Variants in CDH23 observed in about 807,000 individuals in gnomAD.
CDH23 encodes the protein cadherin related 23, also known as cadherin-23.
In CDH23, 189 loss-of-function variants were observed where a neutral mutation model predicts 317.1. The observed-to-expected ratio is 0.60, with a 90% confidence interval of 0.53 to 0.67. The LOEUF (loss-of-function observed/expected upper bound fraction) is 0.67. Ranked by LOEUF, CDH23 falls within the 30% of genes least tolerant of loss-of-function variation. The pLI is 0.00. For missense variants in CDH23, 4,401 were observed against 4,592.4 expected (o/e 0.96, Z 1.20); for synonymous variants, 1,839 against 1,876.8 (o/e 0.98, Z 0.52).
chr10:71,725,528 TA>T lies in CDH23; in HGVS notation c.3579+9del, dbSNP rs1589376497. The T allele has an allele frequency of 6.2e-7, 1 of 1,611,200 alleles. No homozygotes were observed. The highest frequency in any genetic ancestry group is 8.5e-7 in the Non-Finnish European group (1 of 1,178,542). On this transcript the variant is annotated intron_variant, in intron 30 of 69. Coordinates refer to ENST00000224721, the MANE Select transcript of CDH23 (RefSeq NM_022124.6). ...ATGCGGAGCTCCGTCAGGGTGAGGC[TA>T]GGGGCGGGCTGGGGTGCTGACCTCA...
chr10:71,500,889 A>G (rs1853292482), intron 3 of CDH23, among the ~76,000 whole-genome samples: 1 of 138,496 alleles, frequency 7.2e-6, no homozygotes, highest in Non-Finnish European at 1.5e-5. Flanking sequence ...TTTTGTTTTG[A>G]GACAGAGTCT....
chr10:71,689,170 G>A (rs1308406644), intron 19 of CDH23, among the ~76,000 whole-genome samples: 10 of 60,068 alleles, frequency 1.7e-4, no homozygotes, highest in Non-Finnish European at 3.0e-4. Flanking sequence ...GGTGGAGTCA[G>A]GGGTGGTAGA....
At chr10:71,601,425 C>T (rs185883414) in intron 9 of CDH23, among the ~76,000 whole-genome samples, 1 of 152,320 alleles carries the variant, frequency 6.6e-6, no homozygotes, top group African/African-American at 2.4e-5. Context: ...AATTACTCCT[C>T]CCCTTTTTAT....
chr10:71,683,673 A>G (rs1864750642), intron 18 of CDH23, among the ~76,000 whole-genome samples: 1 of 152,234 alleles, frequency 6.6e-6, no homozygotes, highest in Non-Finnish European at 1.5e-5. Flanking sequence ...GAGGCTATAC[A>G]GAACCAGGAT....
intron 6 of CDH23, among the ~76,000 whole-genome samples, chr10:71,545,342 A>C (rs955889930): frequency 6.6e-6 from 1 of 151,984 alleles, no homozygotes; most frequent in African/African-American, 2.4e-5. Flanking sequence ...GTTCTCATCC[A>C]CCGTGCGTTT....
chr10:71,706,862 C>A, intron 25 of CDH23, 35 bp from the exon 26 acceptor site: 1 of 1,559,986 alleles, frequency 6.4e-7, no homozygotes, highest in Non-Finnish European at 8.7e-7. Flanking sequence ...GCGGCAGAAG[C>A]CAGGCCTAGC....
At chr10:71,442,311 C>A (rs1323109979) in intron 2 of CDH23, among the ~76,000 whole-genome samples, 1 of 152,222 alleles carries the variant, frequency 6.6e-6, no homozygotes, top group African/African-American at 2.4e-5. Flanking sequence ...CTGTCTGAAG[C>A]AGCCAGTGCT....
chr10:71,610,757 C>G (rs1434384550), intron 9 of CDH23, among the ~76,000 whole-genome samples: 1 of 151,210 alleles, frequency 6.6e-6, no homozygotes, highest in Non-Finnish European at 1.5e-5. Context: ...TTCCTCCCAG[C>G]CTCTCTCTTG....
At chr10:71,591,427 G>GTGTGGGCACCTCTTCAACTGGGC (rs1859486564) in intron 9 of CDH23, among the ~76,000 whole-genome samples, 2 of 152,110 alleles carry the variant, frequency 1.3e-5, no homozygotes, top group African/African-American at 4.8e-5. Flanking sequence ...CTGGGCTCGT[G>GTGTGGGCACCTCTTCAACTGGGC]TCCCCACTGG....
chr10:71,477,449 G>T (rs548751904), intron 3 of CDH23, among the ~76,000 whole-genome samples: 1 of 152,158 alleles, frequency 6.6e-6, no homozygotes, highest in Non-Finnish European at 1.5e-5. Context: ...GATTATAGGC[G>T]TGAGCCACCG....
At chr10:71,736,377 C>T (rs1465888603) in intron 34 of CDH23, among the ~76,000 whole-genome samples, 2 of 152,220 alleles carry the variant, frequency 1.3e-5, no homozygotes, top group Non-Finnish European at 2.9e-5. Flanking sequence ...GAACCCAAAC[C>T]ACAGCTCACC....
intron 66 of CDH23, 49 bp downstream of exon 66, chr10:71,812,064 G>C: frequency 6.2e-7 from 1 of 1,613,774 alleles, no homozygotes; most frequent in Non-Finnish European, 8.5e-7. Context: ...AGTCCTGCCA[G>C]GACCCAGCTG....
chr10:71,478,673 TC>T (rs917492000), intron 3 of CDH23, among the ~76,000 whole-genome samples: 1 of 152,140 alleles, frequency 6.6e-6, no homozygotes, highest in African/African-American at 2.4e-5. Flanking sequence ...ATCCCATGCC[TC>T]CCCTGCCCCC....
intron 43 of CDH23, 103 bp downstream of exon 43, chr10:71,785,203 C>A: frequency 1.1e-6 from 1 of 918,356 alleles, no homozygotes; most frequent in Non-Finnish European, 1.7e-6. Context: ...CTCCACCGGG[C>A]TCCCGTTCCT....
intron 6 of CDH23, among the ~76,000 whole-genome samples, chr10:71,528,350 C>A (rs1396765542): frequency 6.6e-6 from 1 of 152,010 alleles, no homozygotes; most frequent in South Asian, 2.1e-4. Context: ...AGAGGCAGGG[C>A]GTATGTTGGT....
At position 71,701,217 on chromosome 10, in the gene CDH23, T is replaced by C. The variant is rs142167149; in HGVS notation, c.2398-805T>C. Reference sequence around the variant, plus strand: ...AAGACTGGCCTGTGCCTCTCTGGGCTCTGCTTTCTCCTTGTGGAAGGTAGG... The same window carrying C: ...AAGACTGGCCTGTGCCTCTCTGGGCCCTGCTTTCTCCTTGTGGAAGGTAGG... On this transcript the variant is annotated intron_variant, in intron 22 of 69. Transcript: ENST00000224721. Among the ~76,000 whole-genome samples, 527 of 152,326 alleles carry C rather than the reference T, an allele frequency of 3.5e-3. 3 individuals carry two copies. Among genetic ancestry groups the C allele is most frequent in the African/African-American group, 0.012 (485 of 41,562 alleles).
chr10:71,612,861 TTG>T (rs1246654651), intron 9 of CDH23, among the ~76,000 whole-genome samples: 1 of 152,210 alleles, frequency 6.6e-6, no homozygotes, highest in African/African-American at 2.4e-5. Context: ...GTATCGCCAT[TTG>T]TTTTTGAGAC....
chr10:71,718,524 C>T (rs914715890), intron 28 of CDH23, among the ~76,000 whole-genome samples: 5 of 152,268 alleles, frequency 3.3e-5, no homozygotes, highest in African/African-American at 9.6e-5. Context: ...GTTGGCCTTT[C>T]CTTGAGTCTG....
In CDH23 at chr10:71,813,285, C is replaced by G; in HGVS notation, c.9675C>G (p.Leu3225=). The G allele has an allele frequency of 6.4e-7, 1 of 1,551,624 alleles. No individual in the cohort carries two copies. The highest frequency in any genetic ancestry group is 8.7e-7 in the Non-Finnish European group (1 of 1,146,986). Residue 3225 remains leucine (L), a synonymous_variant, in exon 69 of 70, where the codon CTC becomes CTG. Coordinates refer to ENST00000224721, the MANE Select transcript of CDH23 (RefSeq NM_022124.6). ...LKVVLEDYLR[L]KKLFAQRMVQ... ...TGGTCCTGGAGGATTACCTGCGGCTCAAAAAGCTCTTTGCACAGCGGATGG... is the reference window on the plus strand; with the variant it reads ...TGGTCCTGGAGGATTACCTGCGGCTGAAAAAGCTCTTTGCACAGCGGATGG...
Sources: gnomAD v4.1 joint callset for allele counts (sites outside exome capture counted in the v4.1 genomes callset) on GRCh38, gnomAD v4.1.1 for gene constraint, MANE v1.5 for transcripts, NCBI Gene and HGNC (gene_info 2026-07-23, HGNC 2026-07-21) for gene names.